The following DLGAP4 variants were observed in gnomAD, a reference collection of about 807,000 sequenced individuals.
The protein encoded by DLGAP4 is disks large-associated protein 4.
A neutral mutation model predicts 86.9 loss-of-function variants in DLGAP4; 18 were observed. That is an observed-to-expected ratio of 0.21 (90% CI 0.14 to 0.31). The LOEUF (loss-of-function observed/expected upper bound fraction) is 0.31, where lower values mean the gene tolerates loss of function less well. Ranked by LOEUF, DLGAP4 falls within the 10% of genes least tolerant of loss-of-function variation. The pLI is 1.00. For missense variants in DLGAP4, 1,085 were observed against 1,362.6 expected (o/e 0.80, Z 3.21); for synonymous variants, 548 against 574.3 (o/e 0.95, Z 0.65).
chr20:36,469,259 G>A (rs572850592), intron 7 of DLGAP4, among the ~76,000 whole-genome samples: 1 of 151,514 alleles, frequency 6.6e-6, no homozygotes, highest in South Asian at 2.1e-4. Flanking sequence ...ACCTCCCAGA[G>A]TCTGCAGCAG....
chr20:36,525,546 C>T, intron 11 of DLGAP4: 4 of 441,202 alleles, frequency 9.1e-6, no homozygotes, highest in Non-Finnish European at 4.2e-6. Flanking sequence ...CACACCATGG[C>T]CAAGAACTTC....
At chr20:36,332,529 A>G (rs1387616929) in intron 1 of DLGAP4, among the ~76,000 whole-genome samples, 1 of 151,856 alleles carries the variant, frequency 6.6e-6, no homozygotes, top group African/African-American at 2.4e-5. Flanking sequence ...AGCTGGGACT[A>G]CAGGCGCCCG....
rs1023496826 is a variant in DLGAP4 at position 36,415,537 on chromosome 20, C to T, written c.-72-16109C>T. Reference sequence around the variant, plus strand: ...TTAGGGATAGTAACAGCAATACTTGCGTATTTGCTGTATGCCAGCCTCTGT... The same window carrying T: ...TTAGGGATAGTAACAGCAATACTTGTGTATTTGCTGTATGCCAGCCTCTGT... On this transcript the variant is annotated intron_variant, in intron 2 of 12. Transcript: ENST00000339266. Among the ~76,000 whole-genome samples, 8 of 152,310 alleles carry T rather than the reference C, an allele frequency of 5.3e-5. No individual in the cohort carries two copies. The East Asian group carries it at 1.2e-3, about 22-fold the overall frequency.
chr20:36,514,054 G>C (rs971175977), intron 10 of DLGAP4, among the ~76,000 whole-genome samples: 1 of 152,174 alleles, frequency 6.6e-6, no homozygotes, highest in African/African-American at 2.4e-5. Context: ...AAGACAAGCT[G>C]TCTAAAGACT....
intron 2 of DLGAP4, among the ~76,000 whole-genome samples, chr20:36,367,946 C>G (rs1218060021): frequency 2.6e-5 from 4 of 152,242 alleles, no homozygotes; most frequent in African/African-American, 7.2e-5. Context: ...AGAGGCTCAA[C>G]CAGGTCAAGA....
At chr20:36,332,756 C>T (rs1221414827) in intron 1 of DLGAP4, among the ~76,000 whole-genome samples, 1 of 152,076 alleles carries the variant, frequency 6.6e-6, no homozygotes, top group African/African-American at 2.4e-5. Flanking sequence ...TGCCCAGGAT[C>T]AGAGCTGGGC....
chr20:36,307,134 G>A (rs2065010830), intron 1 of DLGAP4, among the ~76,000 whole-genome samples: 1 of 152,050 alleles, frequency 6.6e-6, no homozygotes, highest in Non-Finnish European at 1.5e-5. Context: ...GCGCTGCATA[G>A]CGCCCCCTCC....
chr20:36,461,400 G>A, intron 7 of DLGAP4: 1 of 955,432 alleles, frequency 1.0e-6, no homozygotes, highest in African/African-American at 1.8e-5. Flanking sequence ...CGCGCGCGCG[G>A]CTGACGCGGG....
intron 2 of DLGAP4, among the ~76,000 whole-genome samples, chr20:36,409,062 G>T (rs1032486247): frequency 8.3e-6 from 1 of 120,344 alleles, no homozygotes; most frequent in East Asian, 2.6e-4. Flanking sequence ...TTGAGACAGA[G>T]TCTCGCTCTG....
At position 36,405,022 on chromosome 20, in the gene DLGAP4, A is replaced by G. The variant is rs2032276415; in HGVS notation, c.-72-26624A>G. The stretch of plus-strand genomic sequence containing the variant: ...GCAGACCTGGGGGAGGAGAAGGCCA[A>G]TCAAGGCAGAGGAAACGCACAAATA... On this transcript the variant is annotated intron_variant, in intron 2 of 12. Coordinates refer to ENST00000339266, the MANE Select transcript of DLGAP4 (RefSeq NM_001365621.2). Among the ~76,000 whole-genome samples, 3 of 152,216 alleles carry G rather than the reference A, an allele frequency of 2.0e-5. No homozygotes were observed. In the South Asian group the frequency reaches 6.2e-4, roughly 32 times the overall value.
chr20:36,469,828 T>G (rs1423054430), intron 7 of DLGAP4, among the ~76,000 whole-genome samples: 2 of 151,804 alleles, frequency 1.3e-5, no homozygotes, highest in Non-Finnish European at 2.9e-5. Context: ...GAAGGGCATC[T>G]CAGCAGAAGG....
intron 2 of DLGAP4, among the ~76,000 whole-genome samples, chr20:36,413,082 C>T (rs577578212): frequency 2.0e-5 from 3 of 149,896 alleles, no homozygotes; most frequent in Non-Finnish European, 3.0e-5. Flanking sequence ...TGGGTTTAAG[C>T]GATTCTTGTG....
chr20:36,341,707 C>G (rs782459231), intron 1 of DLGAP4, among the ~76,000 whole-genome samples: 1 of 152,246 alleles, frequency 6.6e-6, no homozygotes, highest in Non-Finnish European at 1.5e-5. Flanking sequence ...TCCCTCTGCT[C>G]TAGTGCACAC....
intron 4 of DLGAP4, among the ~76,000 whole-genome samples, chr20:36,438,379 AAT>A (rs1490317577): frequency 4.0e-4 from 35 of 86,856 alleles, no homozygotes; most frequent in South Asian, 2.5e-3. Context: ...CTCAAAAAAA[AAT>A]ATATATATAT....
chr20:36,499,233 C>G, intron 8 of DLGAP4: 2 of 1,597,126 alleles, frequency 1.3e-6, no homozygotes, highest in African/African-American at 1.4e-5. Context: ...CTCTCTGATG[C>G]GTGTGAAGGA....
chr20:36,405,864 G>T (rs977761888), intron 2 of DLGAP4, among the ~76,000 whole-genome samples: 6 of 152,234 alleles, frequency 3.9e-5, no homozygotes, highest in Non-Finnish European at 5.9e-5. Flanking sequence ...CAAGAAACAC[G>T]CCAGGCTGGT....
intron 2 of DLGAP4, among the ~76,000 whole-genome samples, chr20:36,422,732 C>T (rs937780766): frequency 1.3e-5 from 2 of 152,222 alleles, no homozygotes; most frequent in South Asian, 2.1e-4. Context: ...GTGGGGGTGG[C>T]GGCTGCAGAC....
At chr20:36,457,417 C>G (rs1739311589) in intron 7 of DLGAP4, among the ~76,000 whole-genome samples, 1 of 132,034 alleles carries the variant, frequency 7.6e-6, no homozygotes, top group Non-Finnish European at 1.6e-5. Flanking sequence ...GAGACAAAGT[C>G]TCACTCTTGT....
At chr20:36,340,204 C>A (rs1171974054) in intron 1 of DLGAP4, among the ~76,000 whole-genome samples, 1 of 152,176 alleles carries the variant, frequency 6.6e-6, no homozygotes, top group Non-Finnish European at 1.5e-5. Context: ...ACATCCCCAA[C>A]ATCAGCTCCT....
Sources: allele counts gnomAD v4.1 joint callset (sites outside exome capture counted in the v4.1 genomes callset), GRCh38; gene constraint gnomAD v4.1.1; transcripts MANE v1.5; gene names NCBI Gene and HGNC (gene_info 2026-07-23, HGNC 2026-07-21).